The following DPP10 variants were observed in gnomAD, a reference collection of about 807,000 sequenced individuals.
DPP10 encodes inactive dipeptidyl peptidase 10.
DPP10 carries 33 observed loss-of-function variants against 120.9 expected under a neutral mutation model. The ratio of observed to expected loss-of-function variants is 0.27; its 90% CI spans 0.21 to 0.37. The LOEUF (loss-of-function observed/expected upper bound fraction) is 0.37, where lower values mean the gene tolerates loss of function less well. Among genes scored for constraint, DPP10 ranks in the 10% least tolerant of loss-of-function variants. DPP10 has a pLI of 1.00. For missense variants in DPP10, 816 were observed against 942.8 expected, an observed-to-expected ratio of 0.87 and a Z score of 1.76; for synonymous variants, 337 against 326.1, an observed-to-expected ratio of 1.03 and a Z score of -0.36.
intron 1 of DPP10, among the ~76,000 whole-genome samples, chr2:114,645,728 A>T (rs1164558819): frequency 6.6e-6 from 1 of 152,164 alleles, no homozygotes; most frequent in Non-Finnish European, 1.5e-5. Flanking sequence ...ACTAGACTGA[A>T]GCTTGCCAAG....
intron 3 of DPP10, among the ~76,000 whole-genome samples, chr2:115,357,947 A>C (rs944359657): frequency 2.6e-5 from 4 of 152,112 alleles, no homozygotes; most frequent in African/African-American, 9.7e-5. Context: ...AGAGGCTGGG[A>C]CACAGTACCG....
At chr2:115,692,331 G>A (rs907204854) in intron 7 of DPP10, among the ~76,000 whole-genome samples, 4 of 151,852 alleles carry the variant, frequency 2.6e-5, no homozygotes, top group South Asian at 2.1e-4. Context: ...CTATATGACA[G>A]GAACAATGTT....
intron 1 of DPP10, among the ~76,000 whole-genome samples, chr2:115,058,702 CTT>C (rs1490330054): frequency 6.6e-6 from 1 of 152,114 alleles, no homozygotes; most frequent in Non-Finnish European, 1.5e-5. Flanking sequence ...TGCCCGGCCT[CTT>C]TGTCTTATTT....
chr2:114,993,793 A>T (rs58103264), intron 1 of DPP10, among the ~76,000 whole-genome samples: 6,815 of 151,992 alleles, frequency 0.045, 507 homozygotes, highest in African/African-American at 0.15. Flanking sequence ...ATACACATAG[A>T]TGTGTGCACA....
intron 1 of DPP10, among the ~76,000 whole-genome samples, chr2:114,787,752 TG>T (rs1479504902): frequency 6.6e-6 from 1 of 152,234 alleles, no homozygotes; most frequent in Non-Finnish European, 1.5e-5. Context: ...CTGAAGTGTC[TG>T]GGGGCTACCC....
chr2:114,628,766 A>G (rs897981505), intron 1 of DPP10, among the ~76,000 whole-genome samples: 1 of 152,158 alleles, frequency 6.6e-6, no homozygotes, highest in Non-Finnish European at 1.5e-5. Flanking sequence ...AAATGGGCGA[A>G]CGAACGGCTG....
chr2:115,666,042 C>T (rs2089427853), intron 5 of DPP10, among the ~76,000 whole-genome samples: 1 of 152,070 alleles, frequency 6.6e-6, no homozygotes, highest in Non-Finnish European at 1.5e-5. Flanking sequence ...TCCTCTCCCT[C>T]CTCCCATCCT....
chr2:114,927,580 G>A (rs80200436), intron 1 of DPP10, among the ~76,000 whole-genome samples: 1,869 of 152,190 alleles, frequency 0.012, 48 homozygotes, highest in African/African-American at 0.043. Flanking sequence ...GAGGGCAATC[G>A]GAATATGCAT....
At chr2:115,053,289 AAGCAACAC>A (rs1705651177) in intron 1 of DPP10, among the ~76,000 whole-genome samples, 2 of 152,220 alleles carry the variant, frequency 1.3e-5, no homozygotes, top group Non-Finnish European at 2.9e-5. Flanking sequence ...CAGCCACAAA[AAGCAACAC>A]AGTACTAGCA....
chr2:115,840,312 TTTTTTGG>T (rs1437132427), intron 24 of DPP10, among the ~76,000 whole-genome samples: 1 of 35,864 alleles, frequency 2.8e-5, no homozygotes, highest in Non-Finnish European at 6.8e-5. Context: ...AGATATAAGG[TTTTTTGG>T]TTTTTTTTTT....
At chr2:115,700,113 A>G (rs2091820719) in intron 7 of DPP10, among the ~76,000 whole-genome samples, 1 of 152,132 alleles carries the variant, frequency 6.6e-6, no homozygotes, top group African/African-American at 2.4e-5. Flanking sequence ...CACACTTTTA[A>G]ACAAACAGAT....
chr2:114,447,863 G>GTA, intron 1 of DPP10, among the ~76,000 whole-genome samples: 1 of 152,304 alleles, frequency 6.6e-6, no homozygotes, highest in South Asian at 2.1e-4. Context: ...TTTTATGTGT[G>GTA]TGAGAGAAAA....
At chr2:115,613,927 G>C (rs978712087) in intron 5 of DPP10, among the ~76,000 whole-genome samples, 2 of 152,166 alleles carry the variant, frequency 1.3e-5, no homozygotes, top group Admixed American at 6.5e-5. Flanking sequence ...TTAACTGAGA[G>C]TGACTCCCAT....
At chr2:115,389,672 C>A (rs142877606) in intron 3 of DPP10, among the ~76,000 whole-genome samples, 1 of 152,060 alleles carries the variant, frequency 6.6e-6, no homozygotes, top group Non-Finnish European at 1.5e-5. Context: ...AATTATAACA[C>A]CCACTAGCAG....
chr2:115,660,718 T>C (rs917141734), intron 5 of DPP10, among the ~76,000 whole-genome samples: 1 of 145,606 alleles, frequency 6.9e-6, no homozygotes, highest in Non-Finnish European at 1.5e-5. Flanking sequence ...CATGGATGTG[T>C]ACATTTTGTT....
chr2:114,921,330 G>A (rs1268577732), intron 1 of DPP10, among the ~76,000 whole-genome samples: 2 of 152,146 alleles, frequency 1.3e-5, no homozygotes, highest in African/African-American at 4.8e-5. Context: ...TCTTTGAAAT[G>A]TAGTTGGAAT....
At chr2:115,257,072 G>A (rs971111849) in intron 1 of DPP10, among the ~76,000 whole-genome samples, 6 of 152,140 alleles carry the variant, frequency 3.9e-5, no homozygotes, top group South Asian at 2.1e-4. Flanking sequence ...CCTTGTAAGC[G>A]TGAAATTTCA....
chr2:115,383,518 T>G (rs1037555834), intron 3 of DPP10, among the ~76,000 whole-genome samples: 2 of 152,206 alleles, frequency 1.3e-5, no homozygotes, highest in East Asian at 1.9e-4. Flanking sequence ...ACAAATTCAG[T>G]TAGATGACCC....
intron 3 of DPP10, among the ~76,000 whole-genome samples, chr2:115,422,861 G>T (rs1428164097): frequency 6.6e-6 from 1 of 152,018 alleles, no homozygotes; most frequent in East Asian, 1.9e-4. Flanking sequence ...CTACATAAGG[G>T]ATTCACATTC....
Sources: gnomAD v4.1 joint callset for allele counts (sites outside exome capture counted in the v4.1 genomes callset) on GRCh38, gnomAD v4.1.1 for gene constraint, MANE v1.5 for transcripts, NCBI Gene and HGNC (gene_info 2026-07-23, HGNC 2026-07-21) for gene names.